The following RBM15 variants were observed in gnomAD, a reference collection of about 807,000 sequenced individuals.
RBM15 encodes RNA binding motif protein 15.
Under a neutral mutation model 62.6 loss-of-function variants are expected in RBM15, and 8 were observed. The observed-to-expected ratio is 0.13, with a 90% CI of 0.07 to 0.23. The LOEUF (loss-of-function observed/expected upper bound fraction) is 0.23. RBM15 is among the 10% of genes least tolerant of loss of function. The pLI is 1.00. For synonymous variants in RBM15, 606 were observed against 505.7 expected (o/e 1.20, Z -2.66); for missense variants, 1,144 against 1,286.5 (o/e 0.89, Z 1.69).
chr1:110,345,865 A>G (rs558588361), intron 2 of RBM15, among the ~76,000 whole-genome samples: 14 of 152,288 alleles, frequency 9.2e-5, no homozygotes, highest in South Asian at 2.1e-4. Flanking sequence ...GGAGTAGTCT[A>G]TGTTGCTCCA....
chr1:110,345,661 G>A lies in RBM15; in HGVS notation c.*40+12G>A. Reference sequence around the variant, plus strand: ...GGAAATGATTTCAGGTAACCACAGTGAAATGTTAAGCTGAATGAAGAGTTT... The same window carrying A: ...GGAAATGATTTCAGGTAACCACAGTAAAATGTTAAGCTGAATGAAGAGTTT... On this transcript the variant is annotated intron_variant, in intron 2 of 2. Transcript: ENST00000369784. 6.8e-7 allele frequency: 1 copy of A among 1,470,876 alleles called. No individual in the cohort carries two copies. The highest frequency in any genetic ancestry group is 9.3e-7 in the Non-Finnish European group (1 of 1,078,508). 91.1% of individuals were successfully genotyped at this position (1,470,876 alleles called of 1,614,324 possible).
chr1:110,341,979 C>G lies in RBM15; in HGVS notation c.2574C>G (p.Ala858=). 3.1e-6 allele frequency: 5 copies of G among 1,614,210 alleles called. No individual in the cohort carries two copies. The highest frequency in any genetic ancestry group is 4.2e-6 in the Non-Finnish European group (5 of 1,180,034). Reference sequence around the variant, plus strand: ...AAGTAGCAGGGCCCAATGGTTATGCCATTCTTTTGGCTGTGCCTGGAAGTT... The same window carrying G: ...AAGTAGCAGGGCCCAATGGTTATGCGATTCTTTTGGCTGTGCCTGGAAGTT... ...RIKVAGPNGY[A]ILLAVPGSSD... The change falls in exon 1 of 3, where the codon GCC becomes GCG. Residue 858 remains alanine (A), a synonymous_variant. Coordinates refer to ENST00000369784, the MANE Select transcript of RBM15 (RefSeq NM_022768.5). The surrounding 1 kb of genome is among the most constrained non-coding windows in gnomAD (Gnocchi z 4.5).
rs759681474 is a variant in RBM15 at position 110,339,572 on chromosome 1, A to G, written c.167A>G (p.Lys56Arg). Residue 56 changes from lysine to arginine, a missense_variant, in exon 1 of 3, where the codon AAA becomes AGA. By Grantham distance (26) the Lys-to-Arg change is conservative. Coordinates refer to ENST00000369784, the MANE Select transcript of RBM15 (RefSeq NM_022768.5). ...KGKERSPVKA[K>R]RSRGGEDSTS... ...AAAGAGCGCTCGCCAGTGAAGGCCA[A>G]ACGCTCCCGTGGTGGTGAGGACTCG... 6 of 1,605,246 alleles carry G rather than the reference A, an allele frequency of 3.7e-6. No homozygotes were observed. The African/African-American group carries it at 8.0e-5, about 21-fold the overall frequency.
In RBM15 at chr1:110,339,467, C is replaced by A. The variant is rs149036076; in HGVS notation, c.62C>A (p.Pro21Gln). ...RRSPRWRRAV[P>Q]LCETSAGRRV... ...AGTCCAAGATGGCGGCGTGCGGTTCCGCTGTGTGAAACGAGCGCGGGGCGG... is the reference window on the plus strand; with the variant it reads ...AGTCCAAGATGGCGGCGTGCGGTTCAGCTGTGTGAAACGAGCGCGGGGCGG... The change falls in exon 1 of 3, where the codon CCG becomes CAG. Residue 21 changes from proline (P) to glutamine (Q), a missense_variant. This residue lies in a region of RBM15 where 298 missense variants were observed against 250.0 expected (regional missense o/e 1.19). Coordinates refer to ENST00000369784, the MANE Select transcript of RBM15 (RefSeq NM_022768.5). 4 of 1,560,852 alleles carry A rather than the reference C, an allele frequency of 2.6e-6. No individual in the cohort carries two copies. Among genetic ancestry groups the A allele is most frequent in the Non-Finnish European group, 2.6e-6 (3 of 1,150,810 alleles).
At chr1:110,346,266 A>C (rs778977909) in intron 2 of RBM15, 42 bp from the exon 3 acceptor site, 3 of 1,573,226 alleles carry the variant, frequency 1.9e-6, no homozygotes, top group Admixed American at 1.7e-5. Flanking sequence ...TAATATTGTA[A>C]ACATTTGTAC....
intron 1 of RBM15, chr1:110,342,600 C>T: frequency 3.5e-6 from 1 of 285,288 alleles, no homozygotes; most frequent in Non-Finnish European, 6.4e-6. Flanking sequence ...CTTAAAAAAT[C>T]CTCAGAGTTA....
rs762034637 is a variant in RBM15, at chr1:110,345,628, T to C, written c.*19T>C. ...GTTATAGTGGTTATAGTGGTGTCCC[T>C]AAAGGGAGGAAATGATTTCAGGTAA... is the stretch of plus-strand genomic sequence containing the variant. On this transcript the variant is annotated 3_prime_UTR_variant, in exon 2 of 3. Coordinates refer to ENST00000369784, the MANE Select transcript of RBM15 (RefSeq NM_022768.5). 12 of 1,576,922 alleles carry C rather than the reference T, an allele frequency of 7.6e-6. No individual in the cohort carries two copies. Among genetic ancestry groups the C allele is most frequent in the Non-Finnish European group, 9.4e-6 (11 of 1,167,056 alleles).
chr1:110,345,733 T>A (rs1393942369), intron 2 of RBM15, 84 bp downstream of exon 2: 1 of 802,456 alleles, frequency 1.2e-6, no homozygotes, highest in Admixed American at 2.7e-5. Flanking sequence ...TCCTGAAGTG[T>A]TCTTTGGCTG....
At position 110,340,354 on chromosome 1, in the gene RBM15, C is replaced by T. The variant is rs1660769264; in HGVS notation, c.949C>T (p.Pro317Ser). 1 of 1,614,184 alleles carries T rather than the reference C, an allele frequency of 6.2e-7. No individual in the cohort carries two copies. Among genetic ancestry groups the T allele is most frequent in the Non-Finnish European group, 8.5e-7 (1 of 1,180,036 alleles). ...LQQLALGRLP[P>S]PPPPPLPRDL... is the part of the protein sequence containing the mutation. ...GCAGTTGGCTCTTGGCCGCCTGCCCCCTCCACCTCCGCCACCATTGCCTCG... is the reference window on the plus strand; with the variant it reads ...GCAGTTGGCTCTTGGCCGCCTGCCCTCTCCACCTCCGCCACCATTGCCTCG... Residue 317 changes from proline (P) to serine (S), a missense_variant, in exon 1 of 3, where the codon CCT becomes TCT. By Grantham distance (74) the Pro-to-Ser change is moderately conservative. Transcript: ENST00000369784. The surrounding 1 kb of genome is among the most constrained non-coding windows in gnomAD (Gnocchi z 5.8).
Position 110,346,285 on chromosome 1 carries a change from C to A in RBM15, c.*41-23C>A. The stretch of plus-strand genomic sequence containing the variant: ...ATTGTAAACATTTGTACTGAATAAC[C>A]TTTTTTTCCCCCCCTCCGCAAGCAA... On this transcript the variant is annotated intron_variant, in intron 2 of 2. Coordinates refer to ENST00000369784, the MANE Select transcript of RBM15 (RefSeq NM_022768.5). The A allele has an allele frequency of 1.9e-6, 3 of 1,596,642 alleles. No homozygotes were observed. The South Asian group carries it at 3.3e-5, about 18-fold the overall frequency.
chr1:110,346,274 T>C (rs1570614100), intron 2 of RBM15, 34 bp from the exon 3 acceptor site: 2 of 1,588,748 alleles, frequency 1.3e-6, no homozygotes, highest in East Asian at 2.2e-5. Context: ...TAAACATTTG[T>C]ACTGAATAAC....
In RBM15 at chr1:110,341,397, A is replaced by G. The variant is rs769364976; in HGVS notation, c.1992A>G (p.Lys664=). The change falls in exon 1 of 3, where the codon AAA becomes AAG. Residue 664 remains lysine, a synonymous_variant. Transcript: ENST00000369784. The surrounding 1 kb of genome is among the most constrained non-coding windows in gnomAD (Gnocchi z 4.5). Reference sequence around the variant, plus strand: ...CTCCTGAGAGTGACCGCCCACGAAAACGTCACTGCGCTCCTTCTCCTGACC... The same window carrying G: ...CTCCTGAGAGTGACCGCCCACGAAAGCGTCACTGCGCTCCTTCTCCTGACC... ...DRSPESDRPR[K]RHCAPSPDRS... is the part of the protein sequence containing the mutation. The G allele has an allele frequency of 3.7e-5, 59 of 1,614,002 alleles. No homozygotes were observed. In the South Asian group the frequency reaches 5.7e-4, roughly 16 times the overall value.
chr1:110,345,053 A>C (rs1037374092), intron 1 of RBM15, among the ~76,000 whole-genome samples: 15 of 152,154 alleles, frequency 9.9e-5, no homozygotes, highest in African/African-American at 3.1e-4. Flanking sequence ...TTTTCACACA[A>C]AGTTTTAAAT....
rs1232426595 is a variant in RBM15, at chr1:110,346,640, T to C, written c.*373T>C. ...ACGTGCGCTCACAGTTGAGCTGCTT[T>C]TGTTTTATTCTAAATAAATTGTTTC... On this transcript the variant is annotated 3_prime_UTR_variant, in exon 3 of 3. Transcript: ENST00000369784. The C allele has an allele frequency of 2.4e-6, 1 of 417,938 alleles. No individual in the cohort carries two copies. Among genetic ancestry groups the C allele is most frequent in the Non-Finnish European group, 4.3e-6 (1 of 234,952 alleles). 25.9% of individuals were successfully genotyped at this position (417,938 alleles called of 1,614,324 possible). A position where few individuals can be genotyped will look rare whatever the true frequency, so the allele number is the denominator to read the frequency against.
In RBM15 at chr1:110,341,994, G is replaced by C. The variant is rs1238065744; in HGVS notation, c.2589G>C (p.Val863=). 6 of 1,614,216 alleles carry C rather than the reference G, an allele frequency of 3.7e-6. No individual in the cohort carries two copies. In the East Asian group the frequency reaches 1.3e-4, roughly 36 times the overall value. ...GPNGYAILLA[V]PGSSDSRSSS... ...ATGGTTATGCCATTCTTTTGGCTGT[G>C]CCTGGAAGTTCTGACAGCCGGTCCT... The change falls in exon 1 of 3, where the codon GTG becomes GTC. Residue 863 remains valine (V), a synonymous_variant. Transcript: ENST00000369784. This position sits in a 1 kb window ranked among gnomAD's most constrained non-coding sequence, Gnocchi z 4.5.
In RBM15 at chr1:110,345,449, T is replaced by G. The variant is rs184059944; in HGVS notation, c.2864-90T>G. 14 of 844,166 alleles carry G rather than the reference T, an allele frequency of 1.7e-5. 1 individual carries two copies. The highest frequency in any genetic ancestry group is 2.6e-5 in the Non-Finnish European group (13 of 496,190). 52.3% of individuals were successfully genotyped at this position (844,166 alleles called of 1,614,324 possible). A position where few individuals can be genotyped will look rare whatever the true frequency, so the allele number is the denominator to read the frequency against. Reference sequence around the variant, plus strand: ...AAACTCTGGTAACAGAATTAGGAAATCCTCTTGAGAAGAGGGCCTTAATGA... The same window carrying G: ...AAACTCTGGTAACAGAATTAGGAAAGCCTCTTGAGAAGAGGGCCTTAATGA... On this transcript the variant is annotated intron_variant, in intron 1 of 2. Transcript: ENST00000369784.
intron 1 of RBM15, chr1:110,342,605 G>A (rs867727524): frequency 3.6e-6 from 1 of 275,680 alleles, no homozygotes; most frequent in South Asian, 1.7e-4. Context: ...AAAATCCTCA[G>A]AGTTACAAAA....
chr1:110,345,107 T>C (rs1660873724), intron 1 of RBM15, among the ~76,000 whole-genome samples: 1 of 152,170 alleles, frequency 6.6e-6, no homozygotes, highest in African/African-American at 2.4e-5. Context: ...ATAGAGTTTT[T>C]CTTTTGAGGA....
rs1314149706 is a variant in RBM15 at position 110,341,270 on chromosome 1, C to G, written c.1865C>G (p.Ser622Cys). ...DSLDRRRDGW[S>C]LDRDRGDRDL... ...CTAGATCGCAGGCGGGATGGTTGGT[C>G]CTTGGACCGGGACAGAGGTGATCGA... The change falls in exon 1 of 3, where the codon TCC (serine) becomes TGC (cysteine). Residue 622 changes from serine (S) to cysteine (C), a missense_variant. By Grantham distance (112) the Ser-to-Cys change is moderately radical. This residue lies in a region of RBM15 where 360 missense variants were observed against 342.9 expected (regional missense o/e 1.05). Transcript: ENST00000369784. The surrounding 1 kb of genome is among the most constrained non-coding windows in gnomAD (Gnocchi z 4.5). 1 of 1,614,092 alleles carries G rather than the reference C, an allele frequency of 6.2e-7. No individual in the cohort carries two copies. The highest frequency in any genetic ancestry group is 8.5e-7 in the Non-Finnish European group (1 of 1,180,022).
Sources: allele counts gnomAD v4.1 joint callset (sites outside exome capture counted in the v4.1 genomes callset), GRCh38; gene constraint gnomAD v4.1.1; regional missense constraint gnomAD v4.1.1; non-coding constraint Gnocchi (gnomAD v3.1); transcripts MANE v1.5; gene names NCBI Gene and HGNC (gene_info 2026-07-23, HGNC 2026-07-21).